RPS6KC1: variants seen among roughly 807,000 people sequenced by gnomAD.
The protein encoded by RPS6KC1 is ribosomal protein S6 kinase C1, also known as inactive ribosomal protein S6 kinase delta-1.
A neutral mutation model predicts 103.8 loss-of-function variants in RPS6KC1; 54 were observed. The observed-to-expected ratio is 0.52, with a 90% confidence interval of 0.42 to 0.65. The LOEUF (loss-of-function observed/expected upper bound fraction) is 0.65. Ranked by LOEUF, RPS6KC1 falls within the 30% of genes least tolerant of loss-of-function variation. The pLI is 0.00. For missense variants in RPS6KC1, 1,151 were observed against 1,253.8 expected (o/e 0.92, Z 1.24); for synonymous variants, 439 against 438.7 (o/e 1.00, Z -0.01).
chr1:213,573,693 A>T, the RPS6KC1 span, among the ~76,000 whole-genome samples: 1 of 152,220 alleles, frequency 6.6e-6, no homozygotes, highest in Non-Finnish European at 1.5e-5. Context: ...GGATATCAGA[A>T]ATGATATCAA....
the RPS6KC1 span, among the ~76,000 whole-genome samples, chr1:213,800,125 A>G: frequency 1.3e-5 from 2 of 152,062 alleles, no homozygotes; most frequent in Non-Finnish European, 2.9e-5. Context: ...ACCGTCACAT[A>G]GGGGGTTAGG....
the RPS6KC1 span, among the ~76,000 whole-genome samples, chr1:213,450,638 C>T: frequency 6.6e-6 from 1 of 152,072 alleles, no homozygotes; most frequent in Non-Finnish European, 1.5e-5. Flanking sequence ...TAAATTTTAT[C>T]CTTATTTTGT....
the RPS6KC1 span, among the ~76,000 whole-genome samples, chr1:213,443,268 C>T: frequency 6.6e-6 from 1 of 152,154 alleles, no homozygotes; most frequent in Non-Finnish European, 1.5e-5. Context: ...ACATGATTCA[C>T]TTTTACCTGT....
chr1:213,597,505 A>G, the RPS6KC1 span, among the ~76,000 whole-genome samples: 1 of 152,192 alleles, frequency 6.6e-6, no homozygotes, highest in Non-Finnish European at 1.5e-5. Flanking sequence ...AGAACATCCT[A>G]GAAACAGGGA....
At chr1:213,467,036 T>C in the RPS6KC1 span, among the ~76,000 whole-genome samples, 1 of 152,082 alleles carries the variant, frequency 6.6e-6, no homozygotes, top group Non-Finnish European at 1.5e-5. Context: ...TAACTAGTTT[T>C]AGATTTTTGT....
chr1:213,591,148 A>T, the RPS6KC1 span, among the ~76,000 whole-genome samples: 2 of 152,094 alleles, frequency 1.3e-5, no homozygotes, highest in South Asian at 4.2e-4. Flanking sequence ...GCACTGGTCC[A>T]TTTACTGTGG....
At chr1:213,626,320 A>T in the RPS6KC1 span, among the ~76,000 whole-genome samples, 677 of 152,178 alleles carry the variant, frequency 4.4e-3, 7 homozygotes, top group African/African-American at 0.016. Context: ...TAGATTCTGG[A>T]TATTAGCCCT....
the RPS6KC1 span, among the ~76,000 whole-genome samples, chr1:213,836,786 G>T: frequency 6.6e-6 from 1 of 151,894 alleles, no homozygotes; most frequent in East Asian, 1.9e-4. Context: ...AATTATATGT[G>T]CTCAGAACCC....
the RPS6KC1 span, among the ~76,000 whole-genome samples, chr1:213,850,902 G>A: frequency 8.3e-3 from 1,260 of 151,142 alleles, 19 homozygotes; most frequent in Middle Eastern, 0.02. Context: ...TTCATGTATT[G>A]TGTAAATTTC....
chr1:213,427,133 G>C, the RPS6KC1 span, among the ~76,000 whole-genome samples: 2 of 152,194 alleles, frequency 1.3e-5, no homozygotes, highest in Non-Finnish European at 2.9e-5. Context: ...TAGTGCTCAG[G>C]CTTCCAGAAG....
At chr1:213,570,121 A>G in the RPS6KC1 span, among the ~76,000 whole-genome samples, 4 of 152,222 alleles carry the variant, frequency 2.6e-5, no homozygotes, top group African/African-American at 9.6e-5. Flanking sequence ...AAGGCTAGTT[A>G]TGACGCAGAC....
chr1:213,641,531 T>C, the RPS6KC1 span, among the ~76,000 whole-genome samples: 5 of 152,082 alleles, frequency 3.3e-5, no homozygotes, highest in Admixed American at 2.6e-4. Flanking sequence ...CCCATGTGTG[T>C]AGTACCAAGT....
At chr1:213,112,356 C>G (rs1303819444) in intron 4 of RPS6KC1, among the ~76,000 whole-genome samples, 1 of 152,102 alleles carries the variant, frequency 6.6e-6, no homozygotes, top group Non-Finnish European at 1.5e-5. Context: ...ATATCATTCT[C>G]TAGCTGCATG....
the RPS6KC1 span, among the ~76,000 whole-genome samples, chr1:213,748,194 T>C: frequency 6.6e-6 from 1 of 152,132 alleles, no homozygotes; most frequent in African/African-American, 2.4e-5. Context: ...CTGCACTTCT[T>C]CCCCTACCTC....
intron 6 of RPS6KC1, among the ~76,000 whole-genome samples, chr1:213,160,341 T>G (rs571003059): frequency 6.6e-5 from 10 of 152,364 alleles, no homozygotes; most frequent in African/African-American, 2.4e-4. Context: ...TTATAATTAC[T>G]TAGAATATCT....
the RPS6KC1 span, among the ~76,000 whole-genome samples, chr1:213,534,773 C>T: frequency 6.6e-6 from 1 of 152,310 alleles, no homozygotes; most frequent in African/African-American, 2.4e-5. Context: ...AAGTATTATT[C>T]ACTGTCCTTA....
At chr1:213,170,199 G>A (rs1572989953) in intron 7 of RPS6KC1, among the ~76,000 whole-genome samples, 1 of 152,126 alleles carries the variant, frequency 6.6e-6, no homozygotes, top group East Asian at 1.9e-4. Flanking sequence ...TTGCATCCCT[G>A]TTAGTTTCCT....
the RPS6KC1 span, among the ~76,000 whole-genome samples, chr1:213,802,195 C>A: frequency 6.6e-6 from 1 of 152,152 alleles, no homozygotes; most frequent in African/African-American, 2.4e-5. Context: ...TATGTGCCAA[C>A]TGTAGAGGAA....
chr1:213,079,918 C>CTTTTTTT (rs550713502), intron 3 of RPS6KC1, among the ~76,000 whole-genome samples: 4 of 130,182 alleles, frequency 3.1e-5, no homozygotes, highest in African/African-American at 5.7e-5. Flanking sequence ...TTCTTTTTTT[C>CTTTTTTT]TTTTTTTTTT....
Sources: gnomAD v4.1 joint callset for allele counts (sites outside exome capture counted in the v4.1 genomes callset) on GRCh38, gnomAD v4.1.1 for gene constraint, MANE v1.5 for transcripts, NCBI Gene and HGNC (gene_info 2026-07-23, HGNC 2026-07-21) for gene names.